The following ZC2HC1A variants were observed in gnomAD, a reference collection of about 807,000 sequenced individuals.
The protein encoded by ZC2HC1A is zinc finger C2HC domain-containing protein 1A.
Under a neutral mutation model 40.7 loss-of-function variants are expected in ZC2HC1A, and 28 were observed. That is an observed-to-expected ratio of 0.69 (90% confidence interval 0.51 to 0.94). The LOEUF is 0.94. Among genes scored for constraint, ZC2HC1A ranks in the 40% least tolerant of loss-of-function variants. The probability of loss-of-function intolerance (pLI) is 0.00; values close to 1 mark genes in which losing one functional copy is unlikely to be tolerated. For missense variants in ZC2HC1A, 389 were observed against 386.3 expected (o/e 1.01, Z -0.06); for synonymous variants, 129 against 129.2 (o/e 1.00, Z 0.01).
intron 7 of ZC2HC1A, among the ~76,000 whole-genome samples, chr8:78,703,381 G>A (rs898808465): frequency 1.3e-5 from 2 of 152,140 alleles, no homozygotes; most frequent in Admixed American, 1.3e-4. Context: ...AGGTGTTAAA[G>A]TCTCCCACTA....
chr8:78,698,586 A>G (rs1039142335), intron 7 of ZC2HC1A, 73 bp downstream of exon 7: 6 of 1,168,886 alleles, frequency 5.1e-6, no homozygotes, highest in Non-Finnish European at 5.8e-6. Flanking sequence ...TGTTTTGATA[A>G]TTGCTTTTTC....
In ZC2HC1A at chr8:78,697,500, G is replaced by T; in HGVS notation, c.598G>T (p.Val200Phe). ...GCAGCCAAGTGGCGCTGGCAAAACT[G>T]TTGTAGGTAATGATAGCCGAAAAGC... ...LPQPSGAGKTVVGVPSGKVSS... is the reference protein window; with the variant it reads ...LPQPSGAGKTFVGVPSGKVSS... The change falls in exon 6 of 9, where the codon GTT becomes TTT. Residue 200 changes from valine (V) to phenylalanine (F), a missense_variant. Val to Phe is a conservative substitution (Grantham distance 50, BLOSUM62 -1). Coordinates refer to ENST00000263849, the MANE Select transcript of ZC2HC1A (RefSeq NM_016010.3). 6.2e-7 allele frequency: 1 copy of T among 1,605,608 alleles called. No homozygotes were observed. The highest frequency in any genetic ancestry group is 8.5e-7 in the Non-Finnish European group (1 of 1,177,850).
intron 3 of ZC2HC1A, among the ~76,000 whole-genome samples, chr8:78,679,670 C>A (rs965289171): frequency 2.0e-5 from 3 of 151,994 alleles, no homozygotes; most frequent in Non-Finnish European, 2.9e-5. Context: ...GTGATTTAAG[C>A]TAAGTACCTG....
At chr8:78,698,103 A>C (rs1334786510) in intron 6 of ZC2HC1A, among the ~76,000 whole-genome samples, 1 of 152,088 alleles carries the variant, frequency 6.6e-6, no homozygotes, top group Non-Finnish European at 1.5e-5. Flanking sequence ...CTCTCATTTT[A>C]TGCTAGCTCT....
intron 1 of ZC2HC1A, among the ~76,000 whole-genome samples, chr8:78,669,382 T>A (rs1809380443): frequency 6.6e-6 from 1 of 152,184 alleles, no homozygotes; most frequent in South Asian, 2.1e-4. Flanking sequence ...ATGTAAAACA[T>A]TTAGCTAAGT....
In ZC2HC1A at chr8:78,717,415, C is replaced by T. The variant is rs1333700638; in HGVS notation, c.900C>T (p.Cys300=). 2 of 1,613,220 alleles carry T rather than the reference C, an allele frequency of 1.2e-6. No homozygotes were observed. Among genetic ancestry groups the T allele is most frequent in the Non-Finnish European group, 1.7e-6 (2 of 1,179,818 alleles). Residue 300 remains cysteine (C), a synonymous_variant, in exon 9 of 9, where the codon TGC becomes TGT. Coordinates refer to ENST00000263849, the MANE Select transcript of ZC2HC1A (RefSeq NM_016010.3). The part of the protein sequence containing the change: ...GHSPGNLPKF[C]HECGTKYPVE... ...CACCTGGAAACTTACCAAAATTCTG[C>T]CATGAGTGTGGGACTAAATACCCTG...
Position 78,693,691 on chromosome 8 carries a change from G to A in ZC2HC1A, c.505-3716G>A, listed in dbSNP as rs966996593. Among the ~76,000 whole-genome samples, 433 of 152,044 alleles carry A rather than the reference G, an allele frequency of 2.8e-3. 2 individuals are homozygous for A. Among genetic ancestry groups the A allele is most frequent in the African/African-American group, 7.0e-3 (289 of 41,458 alleles). Reference sequence around the variant, plus strand: ...CTCCCATTCTGTAGGTTGCCTGTTCGCTCTGATGGTAGTTTCTTCTGCTGT... The same window carrying A: ...CTCCCATTCTGTAGGTTGCCTGTTCACTCTGATGGTAGTTTCTTCTGCTGT... On this transcript the variant is annotated intron_variant, in intron 5 of 8. Coordinates refer to ENST00000263849, the MANE Select transcript of ZC2HC1A (RefSeq NM_016010.3).
At chr8:78,681,075 C>CTT (rs112732264) in intron 3 of ZC2HC1A, among the ~76,000 whole-genome samples, 1 of 144,732 alleles carries the variant, frequency 6.9e-6, no homozygotes, top group Middle Eastern at 3.3e-3. Flanking sequence ...AGGCTGTGAC[C>CTT]TTTTTTTTTT....
intron 5 of ZC2HC1A, 75 bp from the exon 6 acceptor site, chr8:78,697,332 T>A: frequency 8.3e-7 from 1 of 1,200,426 alleles, no homozygotes; most frequent in East Asian, 2.6e-5. Flanking sequence ...CAAAGAATGT[T>A]AAGTTTTGAA....
chr8:78,694,378 T>A (rs1421263870), intron 5 of ZC2HC1A, among the ~76,000 whole-genome samples: 1 of 152,154 alleles, frequency 6.6e-6, no homozygotes. Flanking sequence ...ACGGTATTCA[T>A]GATTATCATT....
chr8:78,669,030 C>T (rs1809374336), intron 1 of ZC2HC1A, among the ~76,000 whole-genome samples: 2 of 152,146 alleles, frequency 1.3e-5, no homozygotes, highest in African/African-American at 2.4e-5. Context: ...AGACTGATTG[C>T]TCTTCAGTGT....
At chr8:78,674,663 C>T (rs1247491588) in intron 1 of ZC2HC1A, among the ~76,000 whole-genome samples, 1 of 152,096 alleles carries the variant, frequency 6.6e-6, no homozygotes, top group Non-Finnish European at 1.5e-5. Flanking sequence ...AATCACTATC[C>T]ACCAGTCAAG....
At chr8:78,695,000 C>G (rs1810352141) in intron 5 of ZC2HC1A, among the ~76,000 whole-genome samples, 1 of 152,024 alleles carries the variant, frequency 6.6e-6, no homozygotes, top group Admixed American at 6.5e-5. Flanking sequence ...TCTTTATATA[C>G]CAGTAGACTT....
Position 78,717,602 on chromosome 8 carries a change from C to A in ZC2HC1A, c.*109C>A. 8.3e-7 allele frequency: 1 copy of A among 1,210,200 alleles called. No individual in the cohort carries two copies. The highest frequency in any genetic ancestry group is 1.1e-6 in the Non-Finnish European group (1 of 881,826). The allele number at this position is 1,210,200 out of a possible 1,614,324, so 75.0% of individuals were successfully genotyped here. On this transcript the variant is annotated 3_prime_UTR_variant, in exon 9 of 9. Transcript: ENST00000263849. ...GTTTGTGCTAAAAATACTCGAAATACCATTTCCAGTTAATTTTGAAGTGTA... is the reference window on the plus strand; with the variant it reads ...GTTTGTGCTAAAAATACTCGAAATAACATTTCCAGTTAATTTTGAAGTGTA...
chr8:78,677,807 G>A (rs1023221399), intron 2 of ZC2HC1A, among the ~76,000 whole-genome samples: 1 of 152,190 alleles, frequency 6.6e-6, no homozygotes, highest in African/African-American at 2.4e-5. Context: ...AGTTCGCAGT[G>A]CAAAGTAAAA....
intron 3 of ZC2HC1A, among the ~76,000 whole-genome samples, chr8:78,682,472 G>A (rs1213772165): frequency 3.9e-5 from 6 of 152,198 alleles, no homozygotes; most frequent in African/African-American, 1.4e-4. Context: ...CAAGAGCAGG[G>A]GAACTTCCCT....
At position 78,717,521 on chromosome 8, in the gene ZC2HC1A, A is replaced by G. The variant is rs562567679; in HGVS notation, c.*28A>G. On this transcript the variant is annotated 3_prime_UTR_variant, in exon 9 of 9. Transcript: ENST00000263849. ...AGAATCTCAAAAAAAAAAAAAAGCC[A>G]AGTTCAGAGTTTATGATTATTGCTG... The G allele has an allele frequency of 3.3e-6, 5 of 1,511,742 alleles. No homozygotes were observed. The African/African-American group carries it at 5.6e-5, about 17-fold the overall frequency. The allele number at this position is 1,511,742 out of a possible 1,614,324, so 93.6% of individuals were successfully genotyped here.
intron 7 of ZC2HC1A, among the ~76,000 whole-genome samples, chr8:78,707,419 C>T (rs1404797581): frequency 2.0e-5 from 3 of 152,206 alleles, no homozygotes; most frequent in Non-Finnish European, 4.4e-5. Flanking sequence ...GGGCATGTAT[C>T]TCTTTGTCAT....
chr8:78,711,945 G>A (rs1473733422), intron 7 of ZC2HC1A: 11 of 1,171,204 alleles, frequency 9.4e-6, no homozygotes, highest in Non-Finnish European at 1.2e-5. Flanking sequence ...ATATAAAGAA[G>A]CAGTAGCAAT....
Sources: allele counts gnomAD v4.1 joint callset (sites outside exome capture counted in the v4.1 genomes callset), GRCh38; gene constraint gnomAD v4.1.1; transcripts MANE v1.5; gene names NCBI Gene and HGNC (gene_info 2026-07-23, HGNC 2026-07-21).